SLC2A12: variants seen among roughly 807,000 people sequenced by gnomAD.
The protein encoded by SLC2A12 is solute carrier family 2 member 12.
In SLC2A12, 23 loss-of-function variants were observed where a neutral mutation model predicts 41.8. The observed-to-expected ratio is 0.55, with a 90% CI of 0.40 to 0.78. SLC2A12 has a LOEUF of 0.78. Ranked by LOEUF, SLC2A12 falls within the 30% of genes least tolerant of loss-of-function variation. The probability of loss-of-function intolerance (pLI) is 0.00; values close to 1 mark genes in which losing one functional copy is unlikely to be tolerated. For missense variants in SLC2A12, 654 were observed against 745.6 expected, an observed-to-expected ratio of 0.88 and a Z score of 1.43; for synonymous variants, 295 against 285.9, an observed-to-expected ratio of 1.03 and a Z score of -0.32.
At chr6:134,011,761 G>A (rs1178563001) in intron 2 of SLC2A12, among the ~76,000 whole-genome samples, 2 of 151,748 alleles carry the variant, frequency 1.3e-5, no homozygotes, top group Non-Finnish European at 2.9e-5. Context: ...ACAAAAATAG[G>A]CCAGGGGCAG....
At chr6:133,994,128 A>G (rs1776655171) in intron 4 of SLC2A12, among the ~76,000 whole-genome samples, 1 of 152,208 alleles carries the variant, frequency 6.6e-6, no homozygotes. Flanking sequence ...GGCTCTGGAT[A>G]TATTTTGAAG....
chr6:134,048,262 G>A (rs193042467), intron 1 of SLC2A12, among the ~76,000 whole-genome samples: 4 of 152,132 alleles, frequency 2.6e-5, no homozygotes, highest in African/African-American at 9.7e-5. Flanking sequence ...TGACCACACA[G>A]AAGAGCAAGT....
intron 4 of SLC2A12, among the ~76,000 whole-genome samples, chr6:134,000,910 T>C (rs1776746713): frequency 6.6e-6 from 1 of 152,210 alleles, no homozygotes; most frequent in African/African-American, 2.4e-5. Flanking sequence ...CTGAGAGTTT[T>C]TCTGCTAATC....
chr6:134,022,533 A>AAAAAG (rs10689126), intron 2 of SLC2A12, among the ~76,000 whole-genome samples: 6,721 of 141,988 alleles, frequency 0.047, 201 homozygotes, highest in East Asian at 0.079. Flanking sequence ...CTCCATCTCA[A>AAAAAG]AAAAGAAAAG....
At chr6:134,000,969 TAG>T (rs1776747133) in intron 4 of SLC2A12, among the ~76,000 whole-genome samples, 1 of 152,116 alleles carries the variant, frequency 6.6e-6, no homozygotes, top group Non-Finnish European at 1.5e-5. Flanking sequence ...CTAAGTCTGA[TAG>T]AGATGGAAAG....
intron 2 of SLC2A12, among the ~76,000 whole-genome samples, chr6:134,022,256 T>C (rs1363158521): frequency 6.6e-6 from 1 of 151,736 alleles, no homozygotes; most frequent in Non-Finnish European, 1.5e-5. Flanking sequence ...TTGTTTTCTA[T>C]TGAATGGCTC....
chr6:133,995,348 G>A lies in SLC2A12; in HGVS notation c.1701-4040C>T, dbSNP rs372747863. Among the ~76,000 whole-genome samples the A allele has an allele frequency of 3.9e-5, 6 of 152,056 alleles. No homozygotes were observed. The East Asian group carries it at 7.8e-4, about 20-fold the overall frequency. ...CCGGAGAAGGGAGAGAGGAGAGAGG[G>A]GGTGAAGGGGGCTCTCATAGGAAGG... On this transcript the variant is annotated intron_variant, in intron 4 of 4. Transcript: ENST00000275230.
intron 4 of SLC2A12, among the ~76,000 whole-genome samples, chr6:133,997,476 CA>C (rs1308519318): frequency 1.3e-5 from 2 of 152,062 alleles, no homozygotes; most frequent in Non-Finnish European, 2.9e-5. Context: ...ACACAGCCGT[CA>C]AAAAGAACGA....
intron 1 of SLC2A12, among the ~76,000 whole-genome samples, chr6:134,051,062 G>A (rs1405689109): frequency 6.6e-6 from 1 of 152,132 alleles, no homozygotes; most frequent in Middle Eastern, 3.2e-3. Context: ...TTACAGGCAT[G>A]TGCCACTATG....
chr6:134,010,219 C>T (rs1208756517), intron 2 of SLC2A12, among the ~76,000 whole-genome samples: 1 of 152,150 alleles, frequency 6.6e-6, no homozygotes, highest in Non-Finnish European at 1.5e-5. Flanking sequence ...AATTCCTTTT[C>T]CCAATGAGAT....
chr6:134,009,991 G>T (rs1776859430), intron 2 of SLC2A12, among the ~76,000 whole-genome samples: 1 of 152,176 alleles, frequency 6.6e-6, no homozygotes, highest in African/African-American at 2.4e-5. Flanking sequence ...GTCTTTCCAT[G>T]GCTGACCTAG....
chr6:134,036,783 T>G (rs1466918932), intron 1 of SLC2A12, among the ~76,000 whole-genome samples: 1 of 152,224 alleles, frequency 6.6e-6, no homozygotes, highest in Non-Finnish European at 1.5e-5. Context: ...AGCAACTGAA[T>G]AGCAATCCAT....
chr6:134,011,979 T>C (rs1011334280), intron 2 of SLC2A12, among the ~76,000 whole-genome samples: 2 of 150,282 alleles, frequency 1.3e-5, no homozygotes, highest in African/African-American at 4.9e-5. Context: ...GAGGTGGAAG[T>C]TGCAGTGAGC....
At chr6:134,049,100 C>T (rs1395259222) in intron 1 of SLC2A12, among the ~76,000 whole-genome samples, 1 of 152,202 alleles carries the variant, frequency 6.6e-6, no homozygotes, top group East Asian at 1.9e-4. Flanking sequence ...GAGTTCACAG[C>T]TTTAAAAGCG....
chr6:133,996,520 G>A (rs941304880), intron 4 of SLC2A12, among the ~76,000 whole-genome samples: 10 of 152,328 alleles, frequency 6.6e-5, no homozygotes, highest in African/African-American at 2.4e-4. Context: ...AGAAATAGGG[G>A]TAGAACCCAG....
At chr6:134,017,784 G>A (rs1021165103) in intron 2 of SLC2A12, among the ~76,000 whole-genome samples, 11 of 151,836 alleles carry the variant, frequency 7.2e-5, no homozygotes, top group Non-Finnish European at 1.6e-4. Context: ...AACCCGGAAG[G>A]CGGAGCTTGC....
chr6:134,028,400 A>G lies in SLC2A12; in HGVS notation c.1425T>C (p.Phe475=), dbSNP rs1322681426. 1 of 1,612,614 alleles carries G rather than the reference A, an allele frequency of 6.2e-7. No individual in the cohort carries two copies. Among genetic ancestry groups the G allele is most frequent in the East Asian group, 2.2e-5 (1 of 44,884 alleles). Reference sequence around the variant, plus strand: ...ACTTACTTGGTCCTAGACCAATTGAAAAAGCAGCAACATAAACAAGCAAGC... The same window carrying G: ...ACTTACTTGGTCCTAGACCAATTGAGAAAGCAGCAACATAAACAAGCAAGC... ...LASLLVYVAA[F]SIGLGPMPWL... The change falls in exon 2 of 5, where the codon TTT becomes TTC. Residue 475 remains phenylalanine, a synonymous_variant. Transcript: ENST00000275230.
At position 134,027,509 on chromosome 6, in the gene SLC2A12, AAGAG is replaced by A. The variant is rs569065543; in HGVS notation, c.1444+868_1444+871del. On this transcript the variant is annotated intron_variant, in intron 2 of 4. Transcript: ENST00000275230. ...AAAGGAAGGAGAGGAATAAAAGAGAAAGAGAGAGAGAGGAATGGGGTAGGAGGTG... is the reference window on the plus strand; with the variant it reads ...AAAGGAAGGAGAGGAATAAAAGAGAAAGAGAGAGGAATGGGGTAGGAGGTG... Among the ~76,000 whole-genome samples, 337 of 152,172 alleles carry A rather than the reference AAGAG, an allele frequency of 2.2e-3. 3 individuals are homozygous for A. The highest frequency in any genetic ancestry group is 7.6e-3 in the African/African-American group (317 of 41,494).
At chr6:134,007,857 A>G (rs1011746703) in intron 2 of SLC2A12, among the ~76,000 whole-genome samples, 6 of 152,210 alleles carry the variant, frequency 3.9e-5, no homozygotes, top group African/African-American at 1.4e-4. Flanking sequence ...GGCTTAGAAG[A>G]GTTACTTGCC....
Sources: gnomAD v4.1 joint callset for allele counts (sites outside exome capture counted in the v4.1 genomes callset) on GRCh38, gnomAD v4.1.1 for gene constraint, MANE v1.5 for transcripts, NCBI Gene and HGNC (gene_info 2026-07-23, HGNC 2026-07-21) for gene names.